MRTFB: variants seen among roughly 807,000 people sequenced by gnomAD.
MRTFB encodes the protein myocardin-related transcription factor B.
MRTFB carries 29 observed loss-of-function variants against 104.2 expected under a neutral mutation model. The observed-to-expected ratio is 0.28, with a 90% CI of 0.21 to 0.38. The LOEUF is 0.38. Ranked by LOEUF, MRTFB falls within the 10% of genes least tolerant of loss-of-function variation. MRTFB has a pLI of 1.00. For synonymous variants in MRTFB, 535 were observed against 519.5 expected (o/e 1.03, Z -0.41); for missense variants, 1,270 against 1,341.6 (o/e 0.95, Z 0.83).
At chr16:14,178,271 A>G (rs992571967) in intron 3 of MRTFB, among the ~76,000 whole-genome samples, 2 of 152,170 alleles carry the variant, frequency 1.3e-5, no homozygotes, top group Non-Finnish European at 2.9e-5. Flanking sequence ...CAATATTGGT[A>G]GCGAATCTAG....
the MRTFB span, among the ~76,000 whole-genome samples, chr16:14,004,434 C>A: frequency 6.6e-6 from 1 of 152,100 alleles, no homozygotes; most frequent in Non-Finnish European, 1.5e-5. Flanking sequence ...CAGGGAGTCA[C>A]GGTGGGGTTA....
intron 3 of MRTFB, chr16:14,186,993 A>G: frequency 6.3e-7 from 1 of 1,597,772 alleles, no homozygotes; most frequent in Non-Finnish European, 8.5e-7. Context: ...ATTAAAAGAA[A>G]AGGAATGCCT....
At chr16:13,997,000 C>T in the MRTFB span, among the ~76,000 whole-genome samples, 41 of 152,320 alleles carry the variant, frequency 2.7e-4, no homozygotes, top group Admixed American at 3.3e-4. Context: ...CCTTGACTTT[C>T]GGGTTTGCAG....
At chr16:14,223,665 T>C (rs1024103640) in intron 8 of MRTFB, among the ~76,000 whole-genome samples, 1 of 151,786 alleles carries the variant, frequency 6.6e-6, no homozygotes, top group Non-Finnish European at 1.5e-5. Context: ...TGAAATTGAG[T>C]CTGAAGACAA....
At chr16:14,246,025 A>G (rs2042997321) in intron 11 of MRTFB, among the ~76,000 whole-genome samples, 1 of 152,058 alleles carries the variant, frequency 6.6e-6, no homozygotes, top group Non-Finnish European at 1.5e-5. Context: ...TCAGCCTTCT[A>G]TTATCTGTGG....
chr16:14,000,223 T>G, the MRTFB span, among the ~76,000 whole-genome samples: 2 of 152,236 alleles, frequency 1.3e-5, no homozygotes, highest in Non-Finnish European at 2.9e-5. Flanking sequence ...GTTATCTCTC[T>G]CTGCTTCGGG....
intron 9 of MRTFB, 152 bp downstream of exon 9, chr16:14,234,435 A>G (rs2042407452): frequency 1.1e-6 from 1 of 924,848 alleles, no homozygotes; most frequent in Middle Eastern, 2.6e-4. Context: ...GACTTGCTAG[A>G]CTGGGGTCTT....
chr16:14,077,444 A>G (rs1368033997), intron 1 of MRTFB, among the ~76,000 whole-genome samples: 4 of 150,652 alleles, frequency 2.7e-5, no homozygotes, highest in African/African-American at 4.9e-5. Flanking sequence ...TAGTCTTTCT[A>G]TTCATATAGC....
intron 10 of MRTFB, among the ~76,000 whole-genome samples, chr16:14,242,967 C>A (rs769009543): frequency 2.0e-5 from 3 of 151,908 alleles, no homozygotes; most frequent in Non-Finnish European, 2.9e-5. Flanking sequence ...ACTACTCTTA[C>A]GTAATAAAGC....
chr16:14,255,645 C>T (rs1597389490), intron 15 of MRTFB, among the ~76,000 whole-genome samples: 1 of 152,124 alleles, frequency 6.6e-6, no homozygotes. Context: ...CATGTGTAGA[C>T]AATACTTAAA....
At chr16:14,213,043 A>G (rs1392304848) in intron 5 of MRTFB, among the ~76,000 whole-genome samples, 1 of 152,244 alleles carries the variant, frequency 6.6e-6, no homozygotes, top group Admixed American at 6.5e-5. Flanking sequence ...TCTAGAATGC[A>G]ATAATGATTT....
At chr16:14,125,021 T>C (rs1459032293) in intron 2 of MRTFB, among the ~76,000 whole-genome samples, 1 of 152,258 alleles carries the variant, frequency 6.6e-6, no homozygotes, top group Non-Finnish European at 1.5e-5. Context: ...TTTTGTACTT[T>C]GATACCTAGT....
chr16:14,137,543 T>A (rs1372978719), intron 2 of MRTFB, among the ~76,000 whole-genome samples: 1 of 152,150 alleles, frequency 6.6e-6, no homozygotes, highest in Non-Finnish European at 1.5e-5. Context: ...AGAATTAATT[T>A]GATGTGAACA....
chr16:14,074,935 G>T (rs1432430374), intron 1 of MRTFB, among the ~76,000 whole-genome samples: 1 of 152,208 alleles, frequency 6.6e-6, no homozygotes, highest in Non-Finnish European at 1.5e-5. Context: ...TTCACGAAGA[G>T]CAGATGGTGT....
chr16:14,007,701 G>A, the MRTFB span, among the ~76,000 whole-genome samples: 1 of 152,166 alleles, frequency 6.6e-6, no homozygotes, highest in South Asian at 2.1e-4. Flanking sequence ...ATGATGGTTC[G>A]AATTTCACTA....
At chr16:14,145,976 G>C (rs916252590) in intron 3 of MRTFB, among the ~76,000 whole-genome samples, 1 of 152,250 alleles carries the variant, frequency 6.6e-6, no homozygotes, top group Non-Finnish European at 1.5e-5. Flanking sequence ...TCCTTCCTGA[G>C]GTCGTGTGCA....
At chr16:14,066,417 G>A (rs968194778), upstream of MRTFB, among the ~76,000 whole-genome samples, 2 of 151,696 alleles carry the variant, frequency 1.3e-5, no homozygotes, top group African/African-American at 4.8e-5. Flanking sequence ...GGGATTACAG[G>A]TGCATGCCAC....
intron 2 of MRTFB, among the ~76,000 whole-genome samples, chr16:14,114,802 ATAAT>A (rs2036453367): frequency 6.6e-6 from 1 of 152,176 alleles, no homozygotes; most frequent in African/African-American, 2.4e-5. Flanking sequence ...CTTTCCCATC[ATAAT>A]ATTGTTACAC....
At chr16:14,136,743 G>A (rs2037740670) in intron 2 of MRTFB, among the ~76,000 whole-genome samples, 1 of 151,210 alleles carries the variant, frequency 6.6e-6, no homozygotes, top group Admixed American at 6.6e-5. Flanking sequence ...AAAGTGTAAT[G>A]CCTCTTGGGT....
Sources: gnomAD v4.1 joint callset for allele counts (sites outside exome capture counted in the v4.1 genomes callset) on GRCh38, gnomAD v4.1.1 for gene constraint, MANE v1.5 for transcripts, NCBI Gene and HGNC (gene_info 2026-07-23, HGNC 2026-07-21) for gene names.